Variants in LRRC2 observed in about 807,000 individuals in gnomAD.
LRRC2 encodes the protein leucine-rich repeat-containing protein 2.
In LRRC2, 27 loss-of-function variants were observed where a neutral mutation model predicts 40.2. The ratio of observed to expected loss-of-function variants is 0.67; its 90% CI spans 0.49 to 0.93. The LOEUF (loss-of-function observed/expected upper bound fraction) is 0.93, where lower values mean the gene tolerates loss of function less well. Among genes scored for constraint, LRRC2 ranks in the 40% least tolerant of loss-of-function variants. The pLI is 0.00. For synonymous variants in LRRC2, 147 were observed against 158.9 expected (o/e 0.92, Z 0.56); for missense variants, 402 against 439.6 (o/e 0.91, Z 0.76).
At chr3:46,532,966 CA>C in intron 4 of LRRC2, 57 bp from the exon 5 acceptor site, 1 of 1,548,132 alleles carries the variant, frequency 6.5e-7, no homozygotes, top group East Asian at 2.3e-5. Flanking sequence ...CTTTTAAGAA[CA>C]AAAAGCAAAA....
At chr3:46,535,815 C>CAAT (rs927436210) in intron 4 of LRRC2, among the ~76,000 whole-genome samples, 7 of 151,988 alleles carry the variant, frequency 4.6e-5, no homozygotes, top group African/African-American at 1.7e-4. Flanking sequence ...CTAATAATAG[C>CAAT]AATAATAATA....
rs1704187003 is a variant in LRRC2, at chr3:46,532,927, T to A, written c.491-18A>T. The A allele has an allele frequency of 6.2e-7, 1 of 1,613,028 alleles. No homozygotes were observed. The highest frequency in any genetic ancestry group is 8.5e-7 in the Non-Finnish European group (1 of 1,179,648). On this transcript the variant is annotated intron_variant, in intron 4 of 8. Coordinates refer to ENST00000395905, the MANE Select transcript of LRRC2 (RefSeq NM_024512.5). ...CAAACAACCTGTCAGCAGAAAAAGT[T>A]AACATCCATTGAATAGGTCGTTTAA...
chr3:46,538,494 G>C (rs538620426), intron 4 of LRRC2, among the ~76,000 whole-genome samples: 1 of 151,836 alleles, frequency 6.6e-6, no homozygotes, highest in Non-Finnish European at 1.5e-5. Flanking sequence ...TACAAAATCA[G>C]CTGGTGGCAC....
At chr3:46,520,002 A>G (rs1411052215) in intron 8 of LRRC2, among the ~76,000 whole-genome samples, 3 of 152,020 alleles carry the variant, frequency 2.0e-5, no homozygotes, top group Non-Finnish European at 4.4e-5. Flanking sequence ...ATACATATGA[A>G]TATATACAGA....
At position 46,515,790 on chromosome 3, in the gene LRRC2, A is replaced by G. The variant is rs1274530021; in HGVS notation, c.*3224T>C. On this transcript the variant is annotated 3_prime_UTR_variant, in exon 9 of 9. Coordinates refer to ENST00000395905, the MANE Select transcript of LRRC2 (RefSeq NM_024512.5). ...CTTCAGATATATTTTCCACTTGGCC[A>G]TATGTAACACATACCTTAGCATGAC... 1.3e-5 allele frequency: 2 copies of G among 152,174 alleles called. No homozygotes were observed. The highest frequency in any genetic ancestry group is 2.9e-5 in the Non-Finnish European group (2 of 68,032). The allele number at this position is 152,174 out of a possible 1,614,324, so 9.4% of individuals were successfully genotyped here.
chr3:46,557,005 A>T (rs1704818781), intron 1 of LRRC2, among the ~76,000 whole-genome samples: 1 of 152,110 alleles, frequency 6.6e-6, no homozygotes, highest in Non-Finnish European at 1.5e-5. Flanking sequence ...TTCATTTCAG[A>T]TAAATCTTCT....
intron 1 of LRRC2, among the ~76,000 whole-genome samples, chr3:46,552,542 C>T (rs748798728): frequency 2.6e-5 from 4 of 152,152 alleles, no homozygotes; most frequent in African/African-American, 9.7e-5. Flanking sequence ...AACCCATCAC[C>T]TCAATTCTTC....
rs140868716 is a variant in LRRC2, at chr3:46,530,608, T to G, written c.628-558A>C. On this transcript the variant is annotated intron_variant, in intron 5 of 8. Coordinates refer to ENST00000395905, the MANE Select transcript of LRRC2 (RefSeq NM_024512.5). ...AAAGAAAAGAGGTTTAATGGATTCA[T>G]AGGTCCACATTGCTGGGGAGGAATC... Among the ~76,000 whole-genome samples, 12 of 152,236 alleles carry G rather than the reference T, an allele frequency of 7.9e-5. No homozygotes were observed. In the East Asian group the frequency reaches 1.2e-3, roughly 15 times the overall value.
intron 3 of LRRC2, among the ~76,000 whole-genome samples, chr3:46,542,822 C>G (rs1285269252): frequency 1.3e-5 from 2 of 152,112 alleles, no homozygotes; most frequent in Non-Finnish European, 2.9e-5. Context: ...AAACAGGAGC[C>G]CCAGCCCTCA....
At chr3:46,552,121 T>C (rs914553737) in intron 1 of LRRC2, among the ~76,000 whole-genome samples, 14 of 152,168 alleles carry the variant, frequency 9.2e-5, no homozygotes, top group African/African-American at 3.1e-4. Flanking sequence ...TGGTCACACT[T>C]GTCTCCTTAA....
chr3:46,537,258 G>A (rs1322274414), intron 4 of LRRC2, among the ~76,000 whole-genome samples: 1 of 152,172 alleles, frequency 6.6e-6, no homozygotes, highest in Non-Finnish European at 1.5e-5. Flanking sequence ...ACGCCATCAT[G>A]CCTGGCTAAT....
intron 6 of LRRC2, among the ~76,000 whole-genome samples, chr3:46,527,796 C>T (rs1010498482): frequency 2.6e-5 from 4 of 151,804 alleles, no homozygotes; most frequent in South Asian, 2.1e-4. Flanking sequence ...GGTACAATCT[C>T]GGCTCACTGC....
At chr3:46,552,474 T>C (rs1490641182) in intron 1 of LRRC2, among the ~76,000 whole-genome samples, 1 of 151,996 alleles carries the variant, frequency 6.6e-6, no homozygotes, top group Non-Finnish European at 1.5e-5. Flanking sequence ...GATATTTGAG[T>C]GTTCTTTCCT....
At chr3:46,544,740 C>A (rs907136551) in intron 3 of LRRC2, among the ~76,000 whole-genome samples, 13 of 152,152 alleles carry the variant, frequency 8.5e-5, no homozygotes, top group African/African-American at 3.1e-4. Context: ...TGAAAGGCGC[C>A]GTCACTTAAA....
At chr3:46,543,590 T>C (rs1704446123) in intron 3 of LRRC2, among the ~76,000 whole-genome samples, 1 of 150,534 alleles carries the variant, frequency 6.6e-6, no homozygotes, top group African/African-American at 2.4e-5. Context: ...TGCTCCAGCC[T>C]GGGTGACAGA....
intron 3 of LRRC2, among the ~76,000 whole-genome samples, chr3:46,541,289 T>C (rs1704384461): frequency 7.0e-6 from 1 of 143,556 alleles, no homozygotes; most frequent in Admixed American, 7.2e-5. Context: ...GCCGAGAATA[T>C]GCCACTGCAC....
intron 1 of LRRC2, 63 bp downstream of exon 1, chr3:46,566,114 T>A (rs989345743): frequency 6.6e-6 from 1 of 152,274 alleles, no homozygotes; most frequent in African/African-American, 2.4e-5. Context: ...GCCCGCGTCC[T>A]CCCACGGGGA....
intron 1 of LRRC2, among the ~76,000 whole-genome samples, chr3:46,556,576 C>CTTTTTTTT (rs143635012): frequency 6.8e-4 from 71 of 104,730 alleles, no homozygotes; most frequent in Non-Finnish European, 9.3e-4. Flanking sequence ...GTCATTATTT[C>CTTTTTTTT]TTTTTTTTTT....
At chr3:46,532,648 T>C (rs1482994753) in intron 5 of LRRC2, 125 bp downstream of exon 5, 4 of 1,068,126 alleles carry the variant, frequency 3.7e-6, no homozygotes, top group Non-Finnish European at 4.1e-6. Flanking sequence ...GTGATTGAAA[T>C]GTCAGGAAAA....
Sources: allele counts gnomAD v4.1 joint callset (sites outside exome capture counted in the v4.1 genomes callset), GRCh38; gene constraint gnomAD v4.1.1; transcripts MANE v1.5; gene names NCBI Gene and HGNC (gene_info 2026-07-23, HGNC 2026-07-21).